ABLIM3: variants seen among roughly 807,000 people sequenced by gnomAD.
ABLIM3 encodes the protein actin-binding LIM protein 3.
In ABLIM3, 61 loss-of-function variants were observed where a neutral mutation model predicts 109.5. That is an observed-to-expected ratio of 0.56 (90% CI 0.45 to 0.69). The LOEUF (loss-of-function observed/expected upper bound fraction) is 0.69, where lower values mean the gene tolerates loss of function less well. ABLIM3 is among the 30% of genes least tolerant of loss of function. The pLI is 0.00. For missense variants in ABLIM3, 796 were observed against 889.5 expected, an observed-to-expected ratio of 0.89 and a Z score of 1.34; for synonymous variants, 300 against 324.8, an observed-to-expected ratio of 0.92 and a Z score of 0.82.
At position 149,239,991 on chromosome 5, in the gene ABLIM3, A is replaced by G. The variant is rs372631175; in HGVS notation, c.1204+103A>G. Reference sequence around the variant, plus strand: ...GGCACAAGGCTCCCCCATGATCTCCATCACAGTGTGGCCCTCTGGAGGCCT... The same window carrying G: ...GGCACAAGGCTCCCCCATGATCTCCGTCACAGTGTGGCCCTCTGGAGGCCT... On this transcript the variant is annotated intron_variant, in intron 13 of 23. Coordinates refer to ENST00000309868, the MANE Select transcript of ABLIM3 (RefSeq NM_014945.5). 6.9e-5 allele frequency: 97 copies of G among 1,405,956 alleles called. 3 individuals carry two copies. In the East Asian group the frequency reaches 8.2e-4, roughly 12 times the overall value. The allele number at this position is 1,405,956 out of a possible 1,614,324, so 87.1% of individuals were successfully genotyped here.
intron 7 of ABLIM3, among the ~76,000 whole-genome samples, chr5:149,213,411 T>A (rs1353480618): frequency 2.0e-5 from 3 of 151,878 alleles, no homozygotes; most frequent in Non-Finnish European, 4.4e-5. Context: ...GAGGTCAGAG[T>A]GTTGGTCAAA....
chr5:149,258,942 T>C lies in ABLIM3; in HGVS notation c.*538T>C. The C allele has an allele frequency of 1.0e-6, 1 of 990,050 alleles. No homozygotes were observed. Among genetic ancestry groups the C allele is most frequent in the Non-Finnish European group, 1.2e-6 (1 of 832,944 alleles). 61.3% of individuals were successfully genotyped at this position (990,050 alleles called of 1,614,324 possible). On this transcript the variant is annotated 3_prime_UTR_variant, in exon 24 of 24. Coordinates refer to ENST00000309868, the MANE Select transcript of ABLIM3 (RefSeq NM_014945.5). ...TCTTGGGGCAATGCAGTTAAAAGGG[T>C]GAGCCTCAAATCTAGTCATTACACC...
Position 149,142,946 on chromosome 5 carries a change from G to A in ABLIM3, c.13+838G>A, listed in dbSNP as rs145493090. On this transcript the variant is annotated intron_variant, in intron 2 of 23. Coordinates refer to ENST00000309868, the MANE Select transcript of ABLIM3 (RefSeq NM_014945.5). ...GGCCTGTCTAGGTTATTCCAGCATC[G>A]CATAGGGCTGTTGAACCAGAGAACC... Among the ~76,000 whole-genome samples, 82 of 152,152 alleles carry A rather than the reference G, an allele frequency of 5.4e-4. 1 individual carries two copies. The East Asian group carries it at 0.014, about 27-fold the overall frequency.
At chr5:149,245,725 A>G (rs925527937) in intron 16 of ABLIM3, among the ~76,000 whole-genome samples, 3 of 152,174 alleles carry the variant, frequency 2.0e-5, no homozygotes, top group African/African-American at 4.8e-5. Flanking sequence ...AGTGGTCCTC[A>G]GATACCACCT....
chr5:149,149,839 T>C (rs1034149365), intron 2 of ABLIM3, among the ~76,000 whole-genome samples: 1 of 152,154 alleles, frequency 6.6e-6, no homozygotes, highest in Non-Finnish European at 1.5e-5. Context: ...GAAGCAAGCA[T>C]GACCCAGTAC....
At chr5:149,232,760 T>A (rs535245351) in intron 9 of ABLIM3, among the ~76,000 whole-genome samples, 9,541 of 150,592 alleles carry the variant, frequency 0.063, 367 homozygotes, top group Admixed American at 0.099. Flanking sequence ...TCAGAGACAG[T>A]TTTTTTTTTA....
At chr5:149,246,622 A>G in intron 17 of ABLIM3, 76 bp downstream of exon 17, 2 of 1,486,830 alleles carry the variant, frequency 1.3e-6, no homozygotes. Context: ...ACAAGCAACA[A>G]AAAACAGATT....
At chr5:149,242,743 A>C (rs1752979758) in intron 15 of ABLIM3, among the ~76,000 whole-genome samples, 2 of 152,326 alleles carry the variant, frequency 1.3e-5, no homozygotes, top group African/African-American at 2.4e-5. Context: ...ATGTCCCCTC[A>C]GTTCTTTCCC....
chr5:149,152,320 T>G (rs1429172288), intron 2 of ABLIM3, among the ~76,000 whole-genome samples: 1 of 152,222 alleles, frequency 6.6e-6, no homozygotes, highest in East Asian at 1.9e-4. Flanking sequence ...TAGAAGTGAT[T>G]CTTCACACAG....
chr5:149,251,333 C>T (rs1753901737), intron 20 of ABLIM3, 26 bp from the exon 21 acceptor site: 7 of 1,613,800 alleles, frequency 4.3e-6, no homozygotes, highest in Non-Finnish European at 5.1e-6. Context: ...TATCTCAGGC[C>T]AGCCGTGGTT....
At position 149,245,370 on chromosome 5, in the gene ABLIM3, G is replaced by C. The variant is rs1456783576; in HGVS notation, c.1486+355G>C. Among the ~76,000 whole-genome samples, 7 of 152,168 alleles carry C rather than the reference G, an allele frequency of 4.6e-5. No homozygotes were observed. In the South Asian group the frequency reaches 8.3e-4, roughly 18 times the overall value. ...GCAGCCACTCAGCTGCCATCAGGAGGGTGGCAAGGATGTAACACAGCAGAG... is the reference window on the plus strand; with the variant it reads ...GCAGCCACTCAGCTGCCATCAGGAGCGTGGCAAGGATGTAACACAGCAGAG... On this transcript the variant is annotated intron_variant, in intron 16 of 23. Transcript: ENST00000309868.
At chr5:149,195,383 A>G (rs2127491951) in intron 3 of ABLIM3, among the ~76,000 whole-genome samples, 2 of 152,350 alleles carry the variant, frequency 1.3e-5, no homozygotes, top group East Asian at 3.9e-4. Context: ...CGTTTCACTC[A>G]GCCTCAGATC....
chr5:149,235,844 G>C (rs1325480927), intron 10 of ABLIM3, among the ~76,000 whole-genome samples: 1 of 152,188 alleles, frequency 6.6e-6, no homozygotes, highest in Admixed American at 6.5e-5. Flanking sequence ...ACGGAGTTGT[G>C]GGCAGGGTTA....
At chr5:149,152,544 G>T (rs1753528408) in intron 2 of ABLIM3, among the ~76,000 whole-genome samples, 1 of 152,022 alleles carries the variant, frequency 6.6e-6, no homozygotes, top group African/African-American at 2.4e-5. Context: ...ACAATATCCT[G>T]CCCTGACCTC....
rs148086831 is a variant in ABLIM3 at position 149,180,776 on chromosome 5, G to T, written c.14-2676G>T. The stretch of plus-strand genomic sequence containing the variant: ...AGCATCCTTCTCTTGAGGGGATGCA[G>T]CAGGGTTAGGGCTGGGGTCCCATCA... On this transcript the variant is annotated intron_variant, in intron 2 of 23. Coordinates refer to ENST00000309868, the MANE Select transcript of ABLIM3 (RefSeq NM_014945.5). 7.5e-3 allele frequency among the ~76,000 whole-genome samples: 1,142 copies of T among 152,310 alleles called. 16 individuals are homozygous for T. The highest frequency in any genetic ancestry group is 0.027 in the African/African-American group (1,109 of 41,568).
At chr5:149,163,629 C>T (rs1754578811) in intron 2 of ABLIM3, among the ~76,000 whole-genome samples, 1 of 152,088 alleles carries the variant, frequency 6.6e-6, no homozygotes, top group African/African-American at 2.4e-5. Flanking sequence ...TATAAGGACA[C>T]CAGTCATATT....
chr5:149,246,439 T>C (rs1328220661), intron 16 of ABLIM3, 43 bp from the exon 17 acceptor site: 2 of 1,589,706 alleles, frequency 1.3e-6, no homozygotes, highest in Admixed American at 1.8e-5. Flanking sequence ...CCAGGCTGAG[T>C]GGGGTGCACA....
At chr5:149,150,949 A>G (rs1419378371) in intron 2 of ABLIM3, among the ~76,000 whole-genome samples, 4 of 152,252 alleles carry the variant, frequency 2.6e-5, no homozygotes, top group Non-Finnish European at 5.9e-5. Context: ...TAAAGAATAA[A>G]TAAGTTAGTT....
intron 16 of ABLIM3, 137 bp from the exon 17 acceptor site, chr5:149,246,345 C>T (rs1023675861): frequency 2.0e-4 from 166 of 818,314 alleles, no homozygotes; most frequent in Non-Finnish European, 2.7e-4. Context: ...TGGGGCTTAG[C>T]TTAAACGAGA....
Sources: gnomAD v4.1 joint callset for allele counts (sites outside exome capture counted in the v4.1 genomes callset) on GRCh38, gnomAD v4.1.1 for gene constraint, MANE v1.5 for transcripts, NCBI Gene and HGNC (gene_info 2026-07-23, HGNC 2026-07-21) for gene names.